Variants in HMGA2 observed in about 807,000 individuals in gnomAD.
HMGA2 encodes high mobility group protein HMGI-C.
Under a neutral mutation model 19.1 loss-of-function variants are expected in HMGA2, and 8 were observed. The ratio of observed to expected loss-of-function variants is 0.42; its 90% CI spans 0.25 to 0.76. The LOEUF is 0.76. Among genes scored for constraint, HMGA2 ranks in the 30% least tolerant of loss-of-function variants. The probability of loss-of-function intolerance (pLI) is 0.28; values close to 1 mark genes in which losing one functional copy is unlikely to be tolerated. For synonymous variants in HMGA2, 60 were observed against 48.8 expected (o/e 1.23, Z -0.96); for missense variants, 109 against 136.3 (o/e 0.80, Z 1.00).
intron 4 of HMGA2, chr12:65,955,665 C>G (rs1246665343): frequency 6.6e-6 from 1 of 152,204 alleles, no homozygotes; most frequent in African/African-American, 2.4e-5. Flanking sequence ...AAACCTGCTC[C>G]TTTTCAATTT....
At chr12:65,838,963 G>A (rs755003038) in intron 3 of HMGA2, among the ~76,000 whole-genome samples, 14 of 118,004 alleles carry the variant, frequency 1.2e-4, no homozygotes, top group Middle Eastern at 4.7e-3. Context: ...ACTTTTTAAC[G>A]TTTTTCTTTT....
At chr12:65,925,870 A>G (rs1429613340) in intron 3 of HMGA2, among the ~76,000 whole-genome samples, 18 of 152,148 alleles carry the variant, frequency 1.2e-4, no homozygotes, top group Admixed American at 1.2e-3. Flanking sequence ...GTGAAAGGGG[A>G]GAAAATAGAG....
intron 3 of HMGA2, chr12:65,915,238 A>G (rs1389299825): frequency 1.3e-6 from 2 of 1,573,494 alleles, no homozygotes; most frequent in East Asian, 4.6e-5. Context: ...ATAGAAACCT[A>G]TCAGGTGTCT....
At chr12:65,833,070 A>T (rs1401037461) in intron 2 of HMGA2, among the ~76,000 whole-genome samples, 1 of 152,118 alleles carries the variant, frequency 6.6e-6, no homozygotes, top group Non-Finnish European at 1.5e-5. Flanking sequence ...AATAGGCAGG[A>T]ACTACAATGG....
chr12:65,866,114 T>G (rs903216987), intron 3 of HMGA2, among the ~76,000 whole-genome samples: 1 of 151,822 alleles, frequency 6.6e-6, no homozygotes, highest in Non-Finnish European at 1.5e-5. Context: ...GGGGAAAAAA[T>G]GGAAATTGAG....
rs183375423 is a variant in HMGA2, at chr12:65,947,269, G to A, written c.250-4114G>A. 1.9e-4 allele frequency among the ~76,000 whole-genome samples: 29 copies of A among 152,120 alleles called. No homozygotes were observed. In the East Asian group the frequency reaches 5.0e-3, roughly 26 times the overall value. ...CGAGTAGCTGGGAGTACAGGCATGC[G>A]CCACTATACCTGGCTAATTATTTTT... is the stretch of plus-strand genomic sequence containing the variant. On this transcript the variant is annotated intron_variant, in intron 3 of 4. Transcript: ENST00000403681.
intron 3 of HMGA2, among the ~76,000 whole-genome samples, chr12:65,912,578 A>G (rs1874892347): frequency 6.6e-6 from 1 of 152,190 alleles, no homozygotes; most frequent in Non-Finnish European, 1.5e-5. Context: ...ATGCTGAATT[A>G]TCAGTTTTAT....
intron 3 of HMGA2, among the ~76,000 whole-genome samples, chr12:65,871,181 T>C (rs1872691798): frequency 2.0e-5 from 3 of 152,216 alleles, no homozygotes; most frequent in Non-Finnish European, 2.9e-5. Context: ...CAGTTTTACA[T>C]GGTTGAAACA....
intron 3 of HMGA2, among the ~76,000 whole-genome samples, chr12:65,853,038 A>T (rs181867654): frequency 1.5e-3 from 231 of 152,304 alleles, no homozygotes; most frequent in African/African-American, 4.9e-3. Flanking sequence ...GGTTGCAGTG[A>T]TCCCAGGCAG....
At chr12:65,900,637 C>G (rs1485537850) in intron 3 of HMGA2, among the ~76,000 whole-genome samples, 1 of 152,204 alleles carries the variant, frequency 6.6e-6, no homozygotes, top group East Asian at 1.9e-4. Flanking sequence ...ATGGAGACCA[C>G]AGGGACAATT....
At chr12:65,846,737 T>C (rs746977725) in intron 3 of HMGA2, among the ~76,000 whole-genome samples, 25 of 152,236 alleles carry the variant, frequency 1.6e-4, no homozygotes, top group Non-Finnish European at 3.4e-4. Context: ...TTTTCCCATT[T>C]GTCTAAACAT....
intron 2 of HMGA2, among the ~76,000 whole-genome samples, chr12:65,837,720 A>G (rs1870794361): frequency 1.3e-5 from 2 of 152,232 alleles, no homozygotes; most frequent in African/African-American, 4.8e-5. Context: ...AACAACTGTG[A>G]TATCAGAAAA....
chr12:65,901,011 T>C (rs1180820958), intron 3 of HMGA2, among the ~76,000 whole-genome samples: 3 of 152,244 alleles, frequency 2.0e-5, no homozygotes, highest in Non-Finnish European at 4.4e-5. Context: ...ATGTTTGTTG[T>C]ATCTATGTGG....
chr12:65,897,754 G>A (rs530740229), intron 3 of HMGA2, among the ~76,000 whole-genome samples: 1 of 152,280 alleles, frequency 6.6e-6, no homozygotes, highest in South Asian at 2.1e-4. Flanking sequence ...GAGGTCAGGT[G>A]TTTGAGACCA....
At chr12:65,832,006 G>A (rs1326748341) in intron 2 of HMGA2, among the ~76,000 whole-genome samples, 2 of 151,856 alleles carry the variant, frequency 1.3e-5, no homozygotes, top group Non-Finnish European at 3.0e-5. Flanking sequence ...TCAATGGGCA[G>A]GTAAGTTTTA....
chr12:65,851,089 A>G (rs960846620), intron 3 of HMGA2, among the ~76,000 whole-genome samples: 2 of 152,148 alleles, frequency 1.3e-5, no homozygotes, highest in African/African-American at 4.8e-5. Flanking sequence ...TTGAGTCTGA[A>G]CCTTATCACT....
At position 65,842,065 on chromosome 12, in the gene HMGA2, T is replaced by C. The variant is rs1592379364; in HGVS notation, c.249+3496T>C. On this transcript the variant is annotated intron_variant, in intron 3 of 4. Transcript: ENST00000403681. ...TTTTTATGAGGTGGTCTGATTTTCA[T>C]GTGTGTGCGTGTGTGTGTAGAAGAG... The C allele has an allele frequency of 5.5e-6, 7 of 1,264,530 alleles. No individual in the cohort carries two copies. The East Asian group carries it at 3.9e-4, about 71-fold the overall frequency. 78.3% of individuals were successfully genotyped at this position (1,264,530 alleles called of 1,614,324 possible).
chr12:65,927,313 T>C (rs1019021544), intron 3 of HMGA2, among the ~76,000 whole-genome samples: 2 of 152,176 alleles, frequency 1.3e-5, no homozygotes, highest in South Asian at 4.1e-4. Flanking sequence ...TCCACGGCCA[T>C]ACCAGGCTCC....
chr12:65,909,124 A>G (rs1874731371), intron 3 of HMGA2, among the ~76,000 whole-genome samples: 1 of 152,200 alleles, frequency 6.6e-6, no homozygotes, highest in Non-Finnish European at 1.5e-5. Flanking sequence ...ATAATCACAC[A>G]TTAGCAATGT....
Sources: gnomAD v4.1 joint callset for allele counts (sites outside exome capture counted in the v4.1 genomes callset) on GRCh38, gnomAD v4.1.1 for gene constraint, MANE v1.5 for transcripts, NCBI Gene and HGNC (gene_info 2026-07-23, HGNC 2026-07-21) for gene names.